Variants in EXTL3 observed in about 807,000 individuals in gnomAD.
EXTL3 encodes exostosin like glycosyltransferase 3.
EXTL3 carries 27 observed loss-of-function variants against 69.3 expected under a neutral mutation model. The observed-to-expected ratio is 0.39, with a 90% confidence interval of 0.29 to 0.54. The LOEUF is 0.54. Ranked by LOEUF, EXTL3 falls within the 20% of genes least tolerant of loss-of-function variation. EXTL3 has a pLI of 0.69. For missense variants in EXTL3, 1,003 were observed against 1,231.8 expected, an observed-to-expected ratio of 0.81 and a Z score of 2.78; for synonymous variants, 511 against 499.4, an observed-to-expected ratio of 1.02 and a Z score of -0.31.
At position 28,660,838 on chromosome 8, in the gene EXTL3, C is replaced by CTTTTTTTTTTTTTTTTTTTT. The variant is rs58151386; in HGVS notation, c.-53+38036_-53+38055dup. Among the ~76,000 whole-genome samples, 29 of 46,954 alleles carry CTTTTTTTTTTTTTTTTTTTT rather than the reference C, an allele frequency of 6.2e-4. 1 individual carries two copies. Among genetic ancestry groups the CTTTTTTTTTTTTTTTTTTTT allele is most frequent in the East Asian group, 1.7e-3 (2 of 1,144 alleles). The allele number at this position is 46,954 out of a possible 152,430, so 30.8% of individuals were successfully genotyped here. On this transcript the variant is annotated intron_variant, in intron 1 of 6. Coordinates refer to the EXTL3 transcript ENST00000523149. ...AATAGCCCTCTATTCCGATTTTTGG[C>CTTTTTTTTTTTTTTTTTTTT]TTTTTTTTTTTTTTTTTTTTTTTTT... is the stretch of plus-strand genomic sequence containing the variant.
chr8:28,629,735 A>G (rs952314244), intron 1 of EXTL3, among the ~76,000 whole-genome samples: 1 of 152,124 alleles, frequency 6.6e-6, no homozygotes, highest in Non-Finnish European at 1.5e-5. Flanking sequence ...GGGCTCTAAG[A>G]TGCAGAAGGA....
At chr8:28,676,884 G>T (rs1807391950) in intron 1 of EXTL3, among the ~76,000 whole-genome samples, 1 of 152,156 alleles carries the variant, frequency 6.6e-6, no homozygotes, top group Non-Finnish European at 1.5e-5. Context: ...GGATTCAGTA[G>T]GTCTGGGTGA....
At position 28,628,034 on chromosome 8, in the gene EXTL3, C is replaced by T. The variant is rs142298787; in HGVS notation, c.-53+5224C>T. On this transcript the variant is annotated intron_variant, in intron 1 of 6. Transcript: ENST00000523149. ...GGTGATGGTTACACAACAATGTGAA[C>T]GTGCTTAATGTCATACACCATTGCA... 3.1e-3 allele frequency among the ~76,000 whole-genome samples: 465 copies of T among 152,198 alleles called. 3 individuals carry two copies. Among genetic ancestry groups the T allele is most frequent in the African/African-American group, 9.7e-3 (402 of 41,526 alleles).
chr8:28,630,495 GC>G, intron 1 of EXTL3, among the ~76,000 whole-genome samples: 1 of 152,074 alleles, frequency 6.6e-6, no homozygotes, highest in Non-Finnish European at 1.5e-5. Flanking sequence ...AAAAAATAAG[GC>G]ACTAGGGTAG....
chr8:28,673,283 G>A (rs1807328034), intron 1 of EXTL3, among the ~76,000 whole-genome samples: 1 of 152,198 alleles, frequency 6.6e-6, no homozygotes, highest in African/African-American at 2.4e-5. Context: ...GACTAGCCAT[G>A]GGATACCCAG....
intron 1 of EXTL3, among the ~76,000 whole-genome samples, chr8:28,658,387 T>C (rs1339587274): frequency 6.6e-6 from 1 of 152,154 alleles, no homozygotes; most frequent in Non-Finnish European, 1.5e-5. Flanking sequence ...CTCCAGGTAA[T>C]CAGCTTTTCA....
rs1802079819 is a variant in EXTL3 at position 28,754,646 on chromosome 8, T to C, written c.*3780T>C. 1 of 152,284 alleles carries C rather than the reference T, an allele frequency of 6.6e-6. No individual in the cohort carries two copies. The highest frequency in any genetic ancestry group is 6.5e-5 in the Admixed American group (1 of 15,278). 9.4% of individuals were successfully genotyped at this position (152,284 alleles called of 1,614,324 possible). On this transcript the variant is annotated 3_prime_UTR_variant, in exon 7 of 7. Coordinates refer to ENST00000220562, the MANE Select transcript of EXTL3 (RefSeq NM_001440.4). ...TCTTCCTATACACAGAGATATGATG[T>C]CTGCTTTGAGTCTATACCTGTCGAG...
intron 6 of EXTL3, among the ~76,000 whole-genome samples, chr8:28,746,435 T>C (rs564621280): frequency 6.6e-5 from 10 of 152,320 alleles, no homozygotes; most frequent in African/African-American, 2.4e-4. Context: ...TGGGGTGATA[T>C]AGGTTCTTGG....
chr8:28,627,144 C>T (rs573072992), intron 1 of EXTL3, among the ~76,000 whole-genome samples: 4 of 151,072 alleles, frequency 2.6e-5, no homozygotes, highest in South Asian at 2.1e-4. Flanking sequence ...GCCAGGATTA[C>T]GCCACTGCAC....
chr8:28,614,500 T>C (rs1184671619), intron 2 of EXTL3, among the ~76,000 whole-genome samples: 4 of 151,984 alleles, frequency 2.6e-5, no homozygotes, highest in Admixed American at 2.0e-4. Flanking sequence ...TCTCGAACTC[T>C]TGGGCTCAAG....
At chr8:28,718,868 T>C (rs1187830718) in intron 3 of EXTL3, among the ~76,000 whole-genome samples, 2 of 152,210 alleles carry the variant, frequency 1.3e-5, no homozygotes, top group Non-Finnish European at 2.9e-5. Flanking sequence ...CATTCTTTAC[T>C]CCATCTCATG....
intron 1 of EXTL3, among the ~76,000 whole-genome samples, chr8:28,682,016 A>G (rs1807498119): frequency 6.6e-6 from 1 of 152,186 alleles, no homozygotes; most frequent in Non-Finnish European, 1.5e-5. Context: ...CTGAGATTGC[A>G]CTATTGCACT....
intron 1 of EXTL3, among the ~76,000 whole-genome samples, chr8:28,675,431 T>C (rs143212924): frequency 6.6e-6 from 1 of 152,252 alleles, no homozygotes; most frequent in East Asian, 1.9e-4. Flanking sequence ...AGCTCCCTCT[T>C]TAAGATTCAT....
intron 1 of EXTL3, among the ~76,000 whole-genome samples, chr8:28,632,661 C>T (rs1379316674): frequency 6.7e-6 from 1 of 148,600 alleles, no homozygotes; most frequent in Admixed American, 6.8e-5. Flanking sequence ...TGAAGCGATT[C>T]TCCTGCCTCA....
intron 3 of EXTL3, among the ~76,000 whole-genome samples, chr8:28,727,560 G>A (rs1801439954): frequency 6.6e-6 from 1 of 152,172 alleles, no homozygotes; most frequent in Non-Finnish European, 1.5e-5. Flanking sequence ...TCGTTTTCAG[G>A]TGCAGAGTTA....
At chr8:28,650,151 G>A (rs1484144956) in intron 1 of EXTL3, among the ~76,000 whole-genome samples, 1 of 145,508 alleles carries the variant, frequency 6.9e-6, no homozygotes, top group East Asian at 2.0e-4. Flanking sequence ...AGCCGAGATT[G>A]CACCACTGCA....
intron 1 of EXTL3, among the ~76,000 whole-genome samples, chr8:28,629,748 G>A (rs1410623050): frequency 6.6e-6 from 1 of 152,126 alleles, no homozygotes; most frequent in Non-Finnish European, 1.5e-5. Context: ...CAGAAGGACT[G>A]GAATCCTGTT....
At chr8:28,702,118 C>G (rs897248041) in intron 1 of EXTL3, among the ~76,000 whole-genome samples, 4 of 152,208 alleles carry the variant, frequency 2.6e-5, no homozygotes, top group African/African-American at 9.6e-5. Context: ...AGGCGCAGCT[C>G]CGGACTACCC....
chr8:28,670,628 G>C (rs928895961), intron 1 of EXTL3, among the ~76,000 whole-genome samples: 1 of 152,236 alleles, frequency 6.6e-6, no homozygotes, highest in African/African-American at 2.4e-5. Flanking sequence ...AACAGCTGAT[G>C]TCAACTGTGA....
Sources: gnomAD v4.1 joint callset for allele counts (sites outside exome capture counted in the v4.1 genomes callset) on GRCh38, gnomAD v4.1.1 for gene constraint, MANE v1.5 for transcripts, NCBI Gene and HGNC (gene_info 2026-07-23, HGNC 2026-07-21) for gene names.